The following RPTOR variants were observed in gnomAD, a reference collection of about 807,000 sequenced individuals.
RPTOR encodes the protein regulatory-associated protein of mTOR.
In RPTOR, 21 loss-of-function variants were observed where a neutral mutation model predicts 169.9. The ratio of observed to expected loss-of-function variants is 0.12; its 90% CI spans 0.09 to 0.18. The LOEUF (loss-of-function observed/expected upper bound fraction) is 0.18, where lower values mean the gene tolerates loss of function less well. RPTOR is among the 10% of genes least tolerant of loss of function. RPTOR has a pLI of 1.00. For synonymous variants in RPTOR, 732 were observed against 753.2 expected (o/e 0.97, Z 0.46); for missense variants, 1,133 against 1,855.9 (o/e 0.61, Z 7.16).
chr17:80,774,641 G>A (rs561147938), intron 6 of RPTOR, among the ~76,000 whole-genome samples: 4 of 152,254 alleles, frequency 2.6e-5, no homozygotes, highest in African/African-American at 4.8e-5. Flanking sequence ...ACTTGATGCC[G>A]TGCCGTACTT....
intron 25 of RPTOR, among the ~76,000 whole-genome samples, chr17:80,941,027 G>A (rs985705929): frequency 3.3e-5 from 5 of 152,230 alleles, no homozygotes; most frequent in African/African-American, 1.2e-4. Context: ...AGGTGTCGTT[G>A]CGCCAGGCCC....
At chr17:80,725,430 CT>C (rs1219699300) in intron 4 of RPTOR, among the ~76,000 whole-genome samples, 1 of 152,228 alleles carries the variant, frequency 6.6e-6, no homozygotes, top group Non-Finnish European at 1.5e-5. Context: ...AGGAATTATT[CT>C]CTGTACTTTT....
At chr17:80,553,368 G>A (rs1369225614) in intron 1 of RPTOR, among the ~76,000 whole-genome samples, 1 of 152,178 alleles carries the variant, frequency 6.6e-6, no homozygotes, top group Non-Finnish European at 1.5e-5. Flanking sequence ...CACGGCAGAC[G>A]TGTTTTTGAA....
intron 3 of RPTOR, among the ~76,000 whole-genome samples, chr17:80,698,820 G>A (rs934798268): frequency 2.6e-5 from 4 of 152,168 alleles, no homozygotes; most frequent in East Asian, 1.9e-4. Flanking sequence ...AGGCTGTCCC[G>A]GCCCTCACCT....
intron 7 of RPTOR, among the ~76,000 whole-genome samples, chr17:80,816,116 A>C (rs1380809326): frequency 6.6e-6 from 1 of 152,246 alleles, no homozygotes; most frequent in Non-Finnish European, 1.5e-5. Flanking sequence ...TTGTTTGAGT[A>C]GCTAAAAAGT....
rs1167397160 is a variant in RPTOR at position 80,545,714 on chromosome 17, G to T, written c.85G>T (p.Ala29Ser). The T allele has an allele frequency of 6.2e-7, 1 of 1,613,852 alleles. No homozygotes were observed. Among genetic ancestry groups the T allele is most frequent in the Non-Finnish European group, 8.5e-7 (1 of 1,179,840 alleles). Residue 29 changes from alanine to serine, a missense_variant, in exon 1 of 34, where the codon GCT (alanine) becomes TCT (serine). Around this residue, in one of 9 missense-constraint regions of RPTOR, gnomAD observed 47 missense variants for 59.5 expected, o/e 0.79. Coordinates refer to ENST00000306801, the MANE Select transcript of RPTOR (RefSeq NM_020761.3). Reference sequence around the variant, plus strand: ...TCTTACAGACTGGAACCTACCTTTGGCTTTTATGAAAAAGAGGCACTGTGA... The same window carrying T: ...TCTTACAGACTGGAACCTACCTTTGTCTTTTATGAAAAAGAGGCACTGTGA... ...ADLTDWNLPLAFMKKRHCEKI... is the reference protein window; with the variant it reads ...ADLTDWNLPLSFMKKRHCEKI...
chr17:80,683,105 G>T (rs373655179), intron 3 of RPTOR, among the ~76,000 whole-genome samples: 6 of 152,194 alleles, frequency 3.9e-5, no homozygotes, highest in African/African-American at 1.4e-4. Flanking sequence ...TCAGCTGATC[G>T]AATTCATTTC....
At chr17:80,757,134 A>G (rs2066688760) in intron 6 of RPTOR, among the ~76,000 whole-genome samples, 1 of 152,216 alleles carries the variant, frequency 6.6e-6, no homozygotes. Context: ...GAAGGGAAAT[A>G]GAGGCCCCAG....
intron 28 of RPTOR, among the ~76,000 whole-genome samples, chr17:80,956,516 G>A (rs904763184): frequency 1.3e-5 from 2 of 152,252 alleles, no homozygotes; most frequent in African/African-American, 2.4e-5. Context: ...CGTGGCCCAT[G>A]CCGAGCTCCT....
chr17:80,754,396 G>A lies in RPTOR; in HGVS notation c.830+211G>A, dbSNP rs1201821583. On this transcript the variant is annotated intron_variant, in intron 6 of 33. Coordinates refer to ENST00000306801, the MANE Select transcript of RPTOR (RefSeq NM_020761.3). The surrounding 1 kb of genome is among the most constrained non-coding windows in gnomAD (Gnocchi z 4.2). ...TCAAGATCCTTCTTCCTTCTGATCT[G>A]TTCGTGGGCAGCTCACTGCTTTGCG... Among the ~76,000 whole-genome samples, 2 of 152,132 alleles carry A rather than the reference G, an allele frequency of 1.3e-5. No homozygotes were observed. The highest frequency in any genetic ancestry group is 4.8e-5 in the African/African-American group (2 of 41,412).
At position 80,545,623 on chromosome 17, in the gene RPTOR, C is replaced by G. The variant is rs1334218631; in HGVS notation, c.-7C>G. On this transcript the variant is annotated 5_prime_UTR_variant, in exon 1 of 34. Coordinates refer to ENST00000306801, the MANE Select transcript of RPTOR (RefSeq NM_020761.3). ...TGCCAAGGACTCCCCCACCCCCTCCCCCACTGATGGAGTCCGAAATGCTGC... is the reference window on the plus strand; with the variant it reads ...TGCCAAGGACTCCCCCACCCCCTCCGCCACTGATGGAGTCCGAAATGCTGC... 2 of 1,606,408 alleles carry G rather than the reference C, an allele frequency of 1.2e-6. No homozygotes were observed. The highest frequency in any genetic ancestry group is 1.7e-6 in the Non-Finnish European group (2 of 1,176,264).
At chr17:80,911,074 G>T (rs989863568) in intron 21 of RPTOR, among the ~76,000 whole-genome samples, 1 of 151,960 alleles carries the variant, frequency 6.6e-6, no homozygotes, top group Non-Finnish European at 1.5e-5. Context: ...CTCGTGATCC[G>T]CCTGCCTCGG....
At chr17:80,811,162 A>G (rs2067268510) in intron 7 of RPTOR, among the ~76,000 whole-genome samples, 1 of 152,242 alleles carries the variant, frequency 6.6e-6, no homozygotes, top group Admixed American at 6.5e-5. Context: ...ATCTGAGTCA[A>G]GGATCAATGA....
Position 80,730,758 on chromosome 17 carries a change from T to TTTTTGCGG in RPTOR, c.654+52_654+53insTTTTGCGG. The TTTTTGCGG allele has an allele frequency of 3.9e-5, 18 of 467,174 alleles. No homozygotes were observed. The highest frequency in any genetic ancestry group is 1.4e-3 in the Middle Eastern group (2 of 1,428). 28.9% of individuals were successfully genotyped at this position (467,174 alleles called of 1,614,324 possible). On this transcript the variant is annotated intron_variant, in intron 5 of 33. Coordinates refer to ENST00000306801, the MANE Select transcript of RPTOR (RefSeq NM_020761.3). This position sits in a 1 kb window ranked among gnomAD's most constrained non-coding sequence, Gnocchi z 4.2. ...GTGCTGGGTTTGGTTTTGTTTTCCC[T>TTTTTGCGG]GGGGGTGGGGTTTGGGTGGGGAGGT...
rs1376285101 is a variant in RPTOR, at chr17:80,963,768, C to G, written c.3940-494C>G. ...CCCCTCTGCGGCCCTCACCCCGTCC[C>G]CTCTGCGGCCCTCACCCCGTCCCCT... On this transcript the variant is annotated intron_variant, in intron 33 of 33. Coordinates refer to ENST00000306801, the MANE Select transcript of RPTOR (RefSeq NM_020761.3). Among the ~76,000 whole-genome samples, 301 of 136,850 alleles carry G rather than the reference C, an allele frequency of 2.2e-3. 6 individuals carry two copies. Among genetic ancestry groups the G allele is most frequent in the African/African-American group, 5.7e-3 (191 of 33,682 alleles). 89.8% of individuals were successfully genotyped at this position (136,850 alleles called of 152,430 possible).
Position 80,891,802 on chromosome 17 carries a change from A to G in RPTOR, c.2066A>G (p.Glu689Gly). 2 of 1,613,950 alleles carry G rather than the reference A, an allele frequency of 1.2e-6. No homozygotes were observed. The highest frequency in any genetic ancestry group is 1.7e-6 in the Non-Finnish European group (2 of 1,179,870). ...CTVALQFIEE[E>G]KNYALPSPAT... ...GTGGCCCTGCAGTTCATAGAAGAGG[A>G]AAAGAACTACGCCTTGCCTTCTCCA... The change falls in exon 18 of 34, where the codon GAA becomes GGA. Residue 689 changes from glutamate to glycine, a missense_variant. Glu to Gly is a moderately conservative substitution (Grantham distance 98, BLOSUM62 -2). Around this residue, in one of 9 missense-constraint regions of RPTOR, gnomAD observed 150 missense variants for 206.4 expected, o/e 0.73. Transcript: ENST00000306801.
chr17:80,815,739 C>G (rs1431605896), intron 7 of RPTOR, among the ~76,000 whole-genome samples: 2 of 152,266 alleles, frequency 1.3e-5, no homozygotes, highest in Non-Finnish European at 2.9e-5. Flanking sequence ...ATTCGTTGAG[C>G]ACCAAAGAAA....
rs562124713 is a variant in RPTOR, at chr17:80,566,917, A to T, written c.162+21126A>T. ...CATGATTATTTTAGTGTTAGTTTAA[A>T]CAGCAACAACAAAATATTACCCTTA... is the stretch of plus-strand genomic sequence containing the variant. On this transcript the variant is annotated intron_variant, in intron 1 of 33. Transcript: ENST00000306801. Among the ~76,000 whole-genome samples the T allele has an allele frequency of 3.3e-5, 5 of 152,114 alleles. No individual in the cohort carries two copies. In the South Asian group the frequency reaches 1.0e-3, roughly 32 times the overall value.
At chr17:80,623,659 C>T (rs370119663) in intron 1 of RPTOR, among the ~76,000 whole-genome samples, 32 of 152,140 alleles carry the variant, frequency 2.1e-4, no homozygotes, top group East Asian at 1.7e-3. Context: ...TCTCAGCCTC[C>T]GGAGTAGCTA....
Sources: gnomAD v4.1 joint callset for allele counts (sites outside exome capture counted in the v4.1 genomes callset) on GRCh38, gnomAD v4.1.1 for gene constraint, gnomAD v4.1.1 regional missense constraint, Gnocchi (gnomAD v3.1) non-coding constraint, MANE v1.5 for transcripts, NCBI Gene and HGNC (gene_info 2026-07-23, HGNC 2026-07-21) for gene names.